The following USP54 variants were observed in gnomAD, a reference collection of about 807,000 sequenced individuals.
The protein encoded by USP54 is ubiquitin specific peptidase 54.
In USP54, 87 loss-of-function variants were observed where a neutral mutation model predicts 170.5. That is an observed-to-expected ratio of 0.51 (90% CI 0.43 to 0.61). USP54 has a LOEUF of 0.61. USP54 is among the 20% of genes least tolerant of loss of function. The probability of loss-of-function intolerance (pLI) is 0.00; values close to 1 mark genes in which losing one functional copy is unlikely to be tolerated. For synonymous variants in USP54, 655 were observed against 742.8 expected (o/e 0.88, Z 1.92); for missense variants, 1,786 against 2,047.8 (o/e 0.87, Z 2.47).
At chr10:73,544,421 T>C (rs2067295302) in intron 5 of USP54, among the ~76,000 whole-genome samples, 1 of 152,218 alleles carries the variant, frequency 6.6e-6, no homozygotes, top group South Asian at 2.1e-4. Flanking sequence ...TTGGGTTGTT[T>C]CCAGTTTTTT....
intron 1 of USP54, among the ~76,000 whole-genome samples, chr10:73,598,016 C>CAG (rs1262167785): frequency 6.6e-6 from 1 of 151,908 alleles, no homozygotes; most frequent in Non-Finnish European, 1.5e-5. Context: ...TCCCCGGAGG[C>CAG]AGAGGTTGCA....
chr10:73,561,144 C>A (rs1253594140), intron 4 of USP54, among the ~76,000 whole-genome samples: 1 of 145,606 alleles, frequency 6.9e-6, no homozygotes, highest in Non-Finnish European at 1.5e-5. Flanking sequence ...CCAAGAACTA[C>A]CAAAAGATTC....
intron 17 of USP54, among the ~76,000 whole-genome samples, chr10:73,521,740 A>G (rs1159767410): frequency 6.6e-6 from 1 of 152,172 alleles, no homozygotes; most frequent in Non-Finnish European, 1.5e-5. Flanking sequence ...TTCCTCACCA[A>G]AACTACCCCC....
intron 1 of USP54, among the ~76,000 whole-genome samples, chr10:73,611,192 GA>G (rs2080112631): frequency 6.6e-6 from 1 of 152,008 alleles, no homozygotes; most frequent in Admixed American, 6.6e-5. Context: ...AAGTATCCCT[GA>G]AACTAAAATA....
upstream of USP54, among the ~76,000 whole-genome samples, chr10:73,591,859 A>C (rs1283798923): frequency 6.6e-6 from 1 of 152,230 alleles, no homozygotes; most frequent in Non-Finnish European, 1.5e-5. Flanking sequence ...TCAGAATTCC[A>C]AGACTGGGCT....
chr10:73,523,879 A>ATTATTT (rs1178283628), intron 16 of USP54, 129 bp from the exon 17 acceptor site: 1 of 171,130 alleles, frequency 5.8e-6, no homozygotes, highest in East Asian at 1.6e-4. Flanking sequence ...TTTATTTATT[A>ATTATTT]TTTATTATTA....
At chr10:73,554,727 C>T (rs182491487) in intron 4 of USP54, among the ~76,000 whole-genome samples, 2 of 152,368 alleles carry the variant, frequency 1.3e-5, no homozygotes, top group East Asian at 3.8e-4. Context: ...CACCCATCCA[C>T]TTAACTTACT....
intron 1 of USP54, among the ~76,000 whole-genome samples, chr10:73,605,254 C>T (rs375665582): frequency 2.0e-5 from 3 of 152,118 alleles, no homozygotes; most frequent in Admixed American, 6.5e-5. Context: ...TTAGTAGAGA[C>T]GGGGTTTTAC....
rs543181166 is a variant in USP54, at chr10:73,527,496, C to T, written c.2061-716G>A. Among the ~76,000 whole-genome samples the T allele has an allele frequency of 3.9e-4, 43 of 111,388 alleles. 1 individual carries two copies. The highest frequency in any genetic ancestry group is 1.4e-3 in the African/African-American group (39 of 28,544). The allele number at this position is 111,388 out of a possible 152,430, so 73.1% of individuals were successfully genotyped here. On this transcript the variant is annotated intron_variant, in intron 15 of 23. Coordinates refer to ENST00000687698, the MANE Select transcript of USP54 (RefSeq NM_001391956.1). The stretch of plus-strand genomic sequence containing the variant: ...CTGGTGACAGAGCGAGACACTCCAT[C>T]TCAAAAAAAAAAAAAAAAAAAAGAA...
In USP54 at chr10:73,505,391, C is replaced by G. The variant is rs371631769; in HGVS notation, c.4087G>C (p.Ala1363Pro). The G allele has an allele frequency of 5.1e-5, 83 of 1,614,026 alleles. No individual in the cohort carries two copies. The African/African-American group carries it at 1.0e-3, about 20-fold the overall frequency. Residue 1363 changes from alanine to proline, a missense_variant, in exon 21 of 24, where the codon GCC becomes CCC. Coordinates refer to ENST00000687698, the MANE Select transcript of USP54 (RefSeq NM_001391956.1). ...GTCTTTGAGAGACCAGGATCATGGG[C>G]TGAGTGCAACCTCCTCCCCATGCCA... The part of the protein sequence containing the change: ...ADGMGRRLHS[A>P]HDPGLSKTST...
At chr10:73,562,693 G>A (rs1204140959) in intron 4 of USP54, among the ~76,000 whole-genome samples, 1 of 152,130 alleles carries the variant, frequency 6.6e-6, no homozygotes, top group Non-Finnish European at 1.5e-5. Flanking sequence ...CCACTCTAGT[G>A]TAGTTGGAAT....
chr10:73,521,883 A>T (rs2061954792), intron 17 of USP54, among the ~76,000 whole-genome samples: 1 of 152,144 alleles, frequency 6.6e-6, no homozygotes, highest in Non-Finnish European at 1.5e-5. Flanking sequence ...AGGCAGAAAA[A>T]TTTTTGTAAA....
chr10:73,504,624 C>CT, intron 22 of USP54: 1 of 599,228 alleles, frequency 1.7e-6, no homozygotes, highest in Non-Finnish European at 2.9e-6. Flanking sequence ...GGAAACCCTA[C>CT]AACACGCACG....
At chr10:73,508,972 G>GTTTTT (rs945752651) in intron 20 of USP54, among the ~76,000 whole-genome samples, 5,367 of 133,452 alleles carry the variant, frequency 0.04, 347 homozygotes, top group African/African-American at 0.13. Flanking sequence ...GCCAGAACAT[G>GTTTTT]TTTTTTTTTT....
chr10:73,519,509 C>A, intron 19 of USP54: 2 of 395,740 alleles, frequency 5.1e-6, no homozygotes, highest in Admixed American at 3.6e-5. Flanking sequence ...ATAATATATA[C>A]AAATATAATA....
chr10:73,574,969 G>A (rs2075892538), intron 3 of USP54, among the ~76,000 whole-genome samples: 1 of 152,148 alleles, frequency 6.6e-6, no homozygotes, highest in Non-Finnish European at 1.5e-5. Flanking sequence ...GTTCATGCCT[G>A]TAATCCCAGC....
intron 1 of USP54, among the ~76,000 whole-genome samples, chr10:73,601,791 C>T (rs2079185774): frequency 6.6e-6 from 1 of 152,202 alleles, no homozygotes; most frequent in South Asian, 2.1e-4. Flanking sequence ...GCCATGGAAT[C>T]ATTTCCTGGT....
At chr10:73,536,966 A>C (rs1233200045) in intron 10 of USP54, among the ~76,000 whole-genome samples, 1 of 152,266 alleles carries the variant, frequency 6.6e-6, no homozygotes, top group African/African-American at 2.4e-5. Context: ...CAAACTGCTT[A>C]GAATAGACAA....
At chr10:73,527,837 CAAAAA>C (rs1015620084) in intron 15 of USP54, among the ~76,000 whole-genome samples, 1 of 43,720 alleles carries the variant, frequency 2.3e-5, no homozygotes, top group Non-Finnish European at 4.7e-5. Flanking sequence ...CCATCGATAC[CAAAAA>C]AAAAAAAAAA....
Sources: allele counts gnomAD v4.1 joint callset (sites outside exome capture counted in the v4.1 genomes callset), GRCh38; gene constraint gnomAD v4.1.1; transcripts MANE v1.5; gene names NCBI Gene and HGNC (gene_info 2026-07-23, HGNC 2026-07-21).